The following GRID2 variants were observed in gnomAD, a reference collection of about 807,000 sequenced individuals.
GRID2 encodes the protein glutamate receptor ionotropic, delta-2.
GRID2 carries 33 observed loss-of-function variants against 114.8 expected under a neutral mutation model. That is an observed-to-expected ratio of 0.29 (90% CI 0.22 to 0.38). The LOEUF is 0.38. Ranked by LOEUF, GRID2 falls within the 10% of genes least tolerant of loss-of-function variation. The pLI is 1.00. For missense variants in GRID2, 1,184 were observed against 1,257.7 expected (o/e 0.94, Z 0.89); for synonymous variants, 505 against 449.9 (o/e 1.12, Z -1.55).
rs928109927 is a variant in GRID2, at chr4:93,772,450, C to G, written c.2976C>G (p.Thr992=). The change falls in exon 16 of 16, where the codon ACC becomes ACG. Residue 992 remains threonine, a synonymous_variant. Transcript: ENST00000282020. ...CTATTCCTTATCAACCAACTCCTAC[C>G]CTGGGGCTCAATCTGGGTAATGATC... is the stretch of plus-strand genomic sequence containing the variant. ...MSSIPYQPTP[T]LGLNLGNDPD... The G allele has an allele frequency of 1.2e-6, 2 of 1,611,362 alleles. No individual in the cohort carries two copies. Among genetic ancestry groups the G allele is most frequent in the Non-Finnish European group, 1.7e-6 (2 of 1,178,306 alleles).
intron 1 of GRID2, among the ~76,000 whole-genome samples, chr4:92,453,482 A>G (rs1056447788): frequency 6.6e-6 from 1 of 152,232 alleles, no homozygotes; most frequent in African/African-American, 2.4e-5. Context: ...ATATGCATAC[A>G]TAAGTATCAA....
intron 2 of GRID2, among the ~76,000 whole-genome samples, chr4:92,675,890 C>A (rs1482200191): frequency 6.6e-6 from 1 of 151,654 alleles, no homozygotes; most frequent in Non-Finnish European, 1.5e-5. Flanking sequence ...TTGGAAGCGT[C>A]CCCAGGTAGA....
intron 14 of GRID2, among the ~76,000 whole-genome samples, chr4:93,692,100 C>T (rs1016701554): frequency 3.3e-5 from 5 of 151,662 alleles, no homozygotes; most frequent in South Asian, 2.1e-4. Context: ...TATTCAAATG[C>T]GGGGCGGGGA....
rs148855519 is a variant in GRID2 at position 93,173,144 on chromosome 4, G to A, written c.736-34260G>A. Among the ~76,000 whole-genome samples the A allele has an allele frequency of 4.2e-3, 633 of 152,138 alleles. 8 individuals are homozygous for A. Among genetic ancestry groups the A allele is most frequent in the African/African-American group, 0.015 (610 of 41,518 alleles). ...TTTATATGTATAATTAGACTATTTAGATGAATTGATTTTCTTAATGTGCTG... is the reference window on the plus strand; with the variant it reads ...TTTATATGTATAATTAGACTATTTAAATGAATTGATTTTCTTAATGTGCTG... On this transcript the variant is annotated intron_variant, in intron 4 of 15. Coordinates refer to ENST00000282020, the MANE Select transcript of GRID2 (RefSeq NM_001510.4).
intron 8 of GRID2, among the ~76,000 whole-genome samples, chr4:93,297,191 C>T (rs1004594597): frequency 2.6e-5 from 4 of 152,118 alleles, no homozygotes; most frequent in South Asian, 2.1e-4. Context: ...ATTTCTATTA[C>T]GCATGGGCTG....
intron 1 of GRID2, among the ~76,000 whole-genome samples, chr4:92,481,623 T>C (rs915539746): frequency 6.6e-6 from 1 of 152,084 alleles, no homozygotes; most frequent in African/African-American, 2.4e-5. Flanking sequence ...TAGTATAGAT[T>C]AAAGTTAGGT....
chr4:93,433,125 A>T (rs570302636), intron 10 of GRID2, among the ~76,000 whole-genome samples: 2 of 152,230 alleles, frequency 1.3e-5, no homozygotes, highest in Non-Finnish European at 2.9e-5. Context: ...AATGCAACAT[A>T]GTAATAATAG....
At chr4:93,501,115 A>G (rs924134382) in intron 12 of GRID2, among the ~76,000 whole-genome samples, 2 of 152,046 alleles carry the variant, frequency 1.3e-5, no homozygotes, top group Non-Finnish European at 2.9e-5. Flanking sequence ...GTGAACTAGA[A>G]AGACATTTTT....
intron 2 of GRID2, among the ~76,000 whole-genome samples, chr4:92,972,458 A>G (rs1244014361): frequency 6.6e-6 from 1 of 152,148 alleles, no homozygotes; most frequent in Non-Finnish European, 1.5e-5. Context: ...TGGTTTATGA[A>G]TAACAGATAA....
At chr4:93,449,758 C>A (rs2149403486) in intron 10 of GRID2, among the ~76,000 whole-genome samples, 1 of 152,024 alleles carries the variant, frequency 6.6e-6, no homozygotes, top group South Asian at 2.1e-4. Flanking sequence ...TTTGAACTTG[C>A]CAATGTATGT....
At chr4:93,497,401 GATTGTGCTT>G (rs1727653424) in intron 12 of GRID2, among the ~76,000 whole-genome samples, 2 of 151,672 alleles carry the variant, frequency 1.3e-5, no homozygotes. Flanking sequence ...TCATTTTATG[GATTGTGCTT>G]TTGGTTTCAT....
chr4:92,868,784 T>A (rs751024407), intron 2 of GRID2, among the ~76,000 whole-genome samples: 3 of 152,096 alleles, frequency 2.0e-5, no homozygotes, highest in Non-Finnish European at 2.9e-5. Context: ...TTTCATGAAC[T>A]AACTTCTAAA....
At chr4:92,891,508 G>A (rs1746780701) in intron 2 of GRID2, among the ~76,000 whole-genome samples, 1 of 152,156 alleles carries the variant, frequency 6.6e-6, no homozygotes, top group Non-Finnish European at 1.5e-5. Context: ...AAAAGAAAGG[G>A]AGAGGTTGCC....
At position 92,391,504 on chromosome 4, in the gene GRID2, T is replaced by A. The variant is rs921274150; in HGVS notation, c.88+86760T>A. On this transcript the variant is annotated intron_variant, in intron 1 of 15. Coordinates refer to ENST00000282020, the MANE Select transcript of GRID2 (RefSeq NM_001510.4). ...AGCTACTTACCATTCATACTGTATA[T>A]CATGAAAATGATAAATATTGAGATT... 2.0e-5 allele frequency among the ~76,000 whole-genome samples: 3 copies of A among 152,128 alleles called. No individual in the cohort carries two copies. In the East Asian group the frequency reaches 5.8e-4, roughly 29 times the overall value.
At chr4:93,369,039 A>G (rs1378203397) in intron 8 of GRID2, among the ~76,000 whole-genome samples, 1 of 152,198 alleles carries the variant, frequency 6.6e-6, no homozygotes, top group East Asian at 1.9e-4. Context: ...ACTATCTTAA[A>G]TTATCGCAAA....
At chr4:92,579,190 G>C (rs1375995128) in intron 1 of GRID2, among the ~76,000 whole-genome samples, 1 of 151,840 alleles carries the variant, frequency 6.6e-6, no homozygotes, top group Non-Finnish European at 1.5e-5. Context: ...GAGCTCTGTG[G>C]TAAATTACTT....
intron 4 of GRID2, among the ~76,000 whole-genome samples, chr4:93,173,825 T>C (rs904927252): frequency 6.6e-6 from 1 of 152,116 alleles, no homozygotes; most frequent in African/African-American, 2.4e-5. Context: ...AGAGACAGGG[T>C]CTTGCTATTT....
At chr4:93,756,940 A>T (rs1213361653) in intron 14 of GRID2, among the ~76,000 whole-genome samples, 2 of 152,232 alleles carry the variant, frequency 1.3e-5, no homozygotes, top group South Asian at 2.1e-4. Flanking sequence ...GAAGAAAAAC[A>T]TGCATCAAAT....
At chr4:93,647,285 A>G (rs13106259) in intron 14 of GRID2, among the ~76,000 whole-genome samples, 27,034 of 152,146 alleles carry the variant, frequency 0.18, 2,757 homozygotes, top group Middle Eastern at 0.35. Context: ...TGACTGTAAG[A>G]AAGGAAATCT....
Sources: gnomAD v4.1 joint callset for allele counts (sites outside exome capture counted in the v4.1 genomes callset) on GRCh38, gnomAD v4.1.1 for gene constraint, MANE v1.5 for transcripts, NCBI Gene and HGNC (gene_info 2026-07-23, HGNC 2026-07-21) for gene names.